Variants in HPSE2 observed in about 807,000 individuals in gnomAD.
HPSE2 encodes the protein heparanase 2 (inactive).
Under a neutral mutation model 60.5 loss-of-function variants are expected in HPSE2, and 38 were observed. The observed-to-expected ratio is 0.63, with a 90% CI of 0.48 to 0.82. The LOEUF is 0.82. HPSE2 is among the 40% of genes least tolerant of loss of function. The pLI is 0.00. For missense variants in HPSE2, 713 were observed against 740.4 expected, an observed-to-expected ratio of 0.96 and a Z score of 0.43; for synonymous variants, 295 against 293.2, an observed-to-expected ratio of 1.01 and a Z score of -0.06.
chr10:99,052,745 A>T lies in HPSE2; in HGVS notation c.610+91493T>A, dbSNP rs141262634. Among the ~76,000 whole-genome samples, 573 of 152,258 alleles carry T rather than the reference A, an allele frequency of 3.8e-3. 3 individuals are homozygous for T. Among genetic ancestry groups the T allele is most frequent in the African/African-American group, 8.6e-3 (356 of 41,576 alleles). ...TCCTCACTGTAAAGAAGAAAAGGCC[A>T]AGAGGAAAGTAAGACATTTAAAAAA... On this transcript the variant is annotated intron_variant, in intron 3 of 11. Coordinates refer to ENST00000370552, the MANE Select transcript of HPSE2 (RefSeq NM_021828.5).
chr10:98,580,500 C>A (rs1233588107), intron 9 of HPSE2, among the ~76,000 whole-genome samples: 1 of 151,768 alleles, frequency 6.6e-6, no homozygotes, highest in Non-Finnish European at 1.5e-5. Flanking sequence ...ATTTTCCAGT[C>A]CTTTTATTAT....
chr10:98,511,540 C>T (rs779249449), intron 9 of HPSE2, among the ~76,000 whole-genome samples: 1 of 147,976 alleles, frequency 6.8e-6, no homozygotes, highest in Non-Finnish European at 1.5e-5. Context: ...CAAGTTGTCC[C>T]GAAAACATAA....
chr10:99,223,865 A>C (rs1429198374), intron 2 of HPSE2, among the ~76,000 whole-genome samples: 1 of 152,136 alleles, frequency 6.6e-6, no homozygotes, highest in African/African-American at 2.4e-5. Flanking sequence ...AGGTTTAATG[A>C]AAGATGGAAT....
At chr10:98,525,340 G>A (rs531798375) in intron 9 of HPSE2, among the ~76,000 whole-genome samples, 15 of 152,312 alleles carry the variant, frequency 9.8e-5, no homozygotes, top group Middle Eastern at 3.4e-3. Flanking sequence ...TAGAGGTCCC[G>A]CATTTCATGG....
intron 9 of HPSE2, among the ~76,000 whole-genome samples, chr10:98,581,678 T>C (rs143306856): frequency 3.9e-5 from 6 of 152,214 alleles, no homozygotes; most frequent in African/African-American, 1.4e-4. Flanking sequence ...GGATACATTG[T>C]GTGTAGAGAT....
At chr10:98,461,276 T>A (rs1940276376) in intron 11 of HPSE2, among the ~76,000 whole-genome samples, 1 of 152,196 alleles carries the variant, frequency 6.6e-6, no homozygotes, top group African/African-American at 2.4e-5. Flanking sequence ...ATGGGTAAGT[T>A]TGGGCTAGGT....
At chr10:98,697,555 G>T (rs575237882) in intron 5 of HPSE2, among the ~76,000 whole-genome samples, 3 of 152,234 alleles carry the variant, frequency 2.0e-5, no homozygotes, top group East Asian at 3.9e-4. Context: ...AAGAGACGGG[G>T]AAAATGAAAC....
At position 98,620,540 on chromosome 10, in the gene HPSE2, C is replaced by A; in HGVS notation, c.1205+62G>T. On this transcript the variant is annotated intron_variant, in intron 8 of 11. Transcript: ENST00000370552. ...GGATGGGCAGAATAATCAGCAACAC[C>A]AGAGATTCACTGTCCTTCCCTCCTG... 5 of 1,207,818 alleles carry A rather than the reference C, an allele frequency of 4.1e-6. No individual in the cohort carries two copies. The Admixed American group carries it at 7.0e-5, about 17-fold the overall frequency. The allele number at this position is 1,207,818 out of a possible 1,614,324, so 74.8% of individuals were successfully genotyped here. A position where few individuals can be genotyped will look rare whatever the true frequency, so the allele number is the denominator to read the frequency against.
chr10:98,488,469 C>G (rs564724693), intron 10 of HPSE2, among the ~76,000 whole-genome samples: 24 of 152,276 alleles, frequency 1.6e-4, no homozygotes, highest in Admixed American at 1.3e-3. Context: ...TTAATGACAA[C>G]TTCCCATGAG....
At chr10:99,053,907 T>G (rs898505611) in intron 3 of HPSE2, among the ~76,000 whole-genome samples, 1 of 151,448 alleles carries the variant, frequency 6.6e-6, no homozygotes, top group South Asian at 2.1e-4. Flanking sequence ...TTTTTTTTTT[T>G]TGTATTTTAG....
At chr10:99,196,766 G>C (rs556499637) in intron 2 of HPSE2, among the ~76,000 whole-genome samples, 1 of 152,206 alleles carries the variant, frequency 6.6e-6, no homozygotes, top group African/African-American at 2.4e-5. Context: ...TGCTGGTGCT[G>C]GTGCAAATGT....
intron 9 of HPSE2, among the ~76,000 whole-genome samples, chr10:98,496,170 T>C (rs1308518865): frequency 6.6e-6 from 1 of 152,174 alleles, no homozygotes; most frequent in Non-Finnish European, 1.5e-5. Flanking sequence ...TTTTTGAGCC[T>C]GCACCTTTTC....
At chr10:98,810,533 A>G (rs562317263) in intron 3 of HPSE2, among the ~76,000 whole-genome samples, 1 of 152,216 alleles carries the variant, frequency 6.6e-6, no homozygotes, top group East Asian at 1.9e-4. Context: ...TGGCATTTAC[A>G]AGAGCCTAGG....
chr10:99,239,271 C>T (rs1226464195), upstream of HPSE2, among the ~76,000 whole-genome samples: 1 of 152,098 alleles, frequency 6.6e-6, no homozygotes, highest in Non-Finnish European at 1.5e-5. Context: ...GAATGGTCTT[C>T]ATAGATAAAT....
intron 3 of HPSE2, among the ~76,000 whole-genome samples, chr10:99,011,571 C>T (rs1957016402): frequency 6.6e-6 from 1 of 151,754 alleles, no homozygotes; most frequent in Non-Finnish European, 1.5e-5. Context: ...TCCTAGCCAA[C>T]GTCGTGAAAC....
At chr10:99,066,596 AT>A (rs1308038522) in intron 3 of HPSE2, among the ~76,000 whole-genome samples, 1 of 152,140 alleles carries the variant, frequency 6.6e-6, no homozygotes, top group Non-Finnish European at 1.5e-5. Context: ...GGGAACTCCC[AT>A]TTATAAAACC....
intron 3 of HPSE2, among the ~76,000 whole-genome samples, chr10:98,998,638 C>T (rs1473907024): frequency 6.6e-6 from 1 of 152,212 alleles, no homozygotes; most frequent in Non-Finnish European, 1.5e-5. Context: ...CCAGATCACT[C>T]AGTCCTCCAG....
At chr10:98,596,744 T>C (rs1244284792) in intron 9 of HPSE2, among the ~76,000 whole-genome samples, 1 of 152,196 alleles carries the variant, frequency 6.6e-6, no homozygotes, top group South Asian at 2.1e-4. Flanking sequence ...CTCCCTTATA[T>C]GCGATTTGCT....
chr10:98,821,887 C>T (rs1208296784), intron 3 of HPSE2, among the ~76,000 whole-genome samples: 1 of 152,094 alleles, frequency 6.6e-6, no homozygotes, highest in Non-Finnish European at 1.5e-5. Context: ...AGACTTAAAA[C>T]CTTATAGCTG....
Sources: allele counts gnomAD v4.1 joint callset (sites outside exome capture counted in the v4.1 genomes callset), GRCh38; gene constraint gnomAD v4.1.1; transcripts MANE v1.5; gene names NCBI Gene and HGNC (gene_info 2026-07-23, HGNC 2026-07-21).